The following PCDHGB3 variants were observed in gnomAD, a reference collection of about 807,000 sequenced individuals.
PCDHGB3 encodes the protein protocadherin gamma subfamily B, 3.
A neutral mutation model predicts 59.2 loss-of-function variants in PCDHGB3; 40 were observed. That is an observed-to-expected ratio of 0.68 (90% confidence interval 0.52 to 0.88). The LOEUF (loss-of-function observed/expected upper bound fraction) is 0.88, where lower values mean the gene tolerates loss of function less well. PCDHGB3 is among the 40% of genes least tolerant of loss of function. PCDHGB3 has a pLI of 0.00. For synonymous variants in PCDHGB3, 581 were observed against 503.6 expected (o/e 1.15, Z -2.06); for missense variants, 1,309 against 1,187.9 (o/e 1.10, Z -1.50).
At position 141,500,368 on chromosome 5, in the gene PCDHGB3, C is replaced by T. The variant is rs181410708; in HGVS notation, c.2475-5025C>T. Among the ~76,000 whole-genome samples, 364 of 152,050 alleles carry T rather than the reference C, an allele frequency of 2.4e-3. 3 individuals carry two copies. The highest frequency in any genetic ancestry group is 9.2e-3 in the Admixed American group (140 of 15,274). ...GGACTACAGGCGCCCACTACCACGCCCGGCTAATTATTTTGTATTTTTAGT... is the reference window on the plus strand; with the variant it reads ...GGACTACAGGCGCCCACTACCACGCTCGGCTAATTATTTTGTATTTTTAGT... On this transcript the variant is annotated intron_variant, in intron 2 of 3. Transcript: ENST00000576222.
chr5:141,447,775 AT>A (rs1463090729), intron 1 of PCDHGB3, among the ~76,000 whole-genome samples: 2 of 152,212 alleles, frequency 1.3e-5, no homozygotes, highest in Non-Finnish European at 2.9e-5. Flanking sequence ...TTATACTTTA[AT>A]TGAAAATAAA....
At chr5:141,376,381 T>C (rs1588802356) in intron 1 of PCDHGB3, 13 of 1,613,972 alleles carry the variant, frequency 8.1e-6, no homozygotes, top group Middle Eastern at 1.7e-4. Context: ...CGCGTAAGAG[T>C]CATCTGATTT....
intron 1 of PCDHGB3, chr5:141,404,242 G>T (rs372976589): frequency 1.2e-6 from 2 of 1,613,462 alleles, no homozygotes; most frequent in Non-Finnish European, 1.7e-6. Flanking sequence ...GAGGAACTCC[G>T]CCCCTGTCCA....
In PCDHGB3 at chr5:141,372,908, T is replaced by A. The variant is rs1769157545; in HGVS notation, c.2415+99T>A. The A allele has an allele frequency of 7.4e-6, 8 of 1,075,948 alleles. No individual in the cohort carries two copies. In the East Asian group the frequency reaches 2.1e-4, roughly 28 times the overall value. The allele number at this position is 1,075,948 out of a possible 1,614,324, so 66.7% of individuals were successfully genotyped here. ...ACAGATTAAATATTCCCTGATTACA[T>A]TATTTTATTGATTTTCTGGTGTAGA... On this transcript the variant is annotated intron_variant, in intron 1 of 3. Transcript: ENST00000576222.
intron 1 of PCDHGB3, among the ~76,000 whole-genome samples, chr5:141,429,774 G>A (rs1175985162): frequency 6.6e-6 from 1 of 152,070 alleles, no homozygotes; most frequent in Non-Finnish European, 1.5e-5. Context: ...ATTTTGATGG[G>A]CTTCCAAAAG....
At chr5:141,404,560 C>G in intron 1 of PCDHGB3, 1 of 1,613,578 alleles carries the variant, frequency 6.2e-7, no homozygotes, top group South Asian at 1.1e-5. Context: ...CGGCAAGTGA[C>G]AGTGGAAGCC....
intron 1 of PCDHGB3, chr5:141,427,440 G>C (rs747459662): frequency 4.2e-6 from 2 of 477,366 alleles, no homozygotes; most frequent in African/African-American, 2.0e-5. Flanking sequence ...CCTCATAAAC[G>C]AAAGAGTTCC....
Position 141,510,985 on chromosome 5 carries a change from G to A in PCDHGB3, c.2602G>A (p.Gly868Ser), listed in dbSNP as rs1278517639. Residue 868 changes from glycine to serine, a missense_variant, in exon 4 of 4, where the codon GGC becomes AGC. Transcript: ENST00000576222. ...DGSSTLGGGA[G>S]TMGLSARYGP... ...GAGCTCCACCCTGGGAGGGGGTGCCGGCACCATGGGATTGAGCGCCCGCTA... is the reference window on the plus strand; with the variant it reads ...GAGCTCCACCCTGGGAGGGGGTGCCAGCACCATGGGATTGAGCGCCCGCTA... 19 of 1,614,090 alleles carry A rather than the reference G, an allele frequency of 1.2e-5. No individual in the cohort carries two copies. The highest frequency in any genetic ancestry group is 2.2e-5 in the East Asian group (1 of 44,880).
Position 141,404,841 on chromosome 5 carries a change from G to A in PCDHGB3, c.2415+32032G>A, listed in dbSNP as rs765291212. The stretch of plus-strand genomic sequence containing the variant: ...CACACAGGTGAAGTGCGCACAGCTC[G>A]GGCCCTGCTAGATAGAGATGCGCTC... On this transcript the variant is annotated intron_variant, in intron 1 of 3. Coordinates refer to ENST00000576222, the MANE Select transcript of PCDHGB3 (RefSeq NM_018924.5). 1.1e-5 allele frequency: 17 copies of A among 1,613,886 alleles called. No individual in the cohort carries two copies. Among genetic ancestry groups the A allele is most frequent in the Non-Finnish European group, 1.4e-5 (16 of 1,179,920 alleles).
Position 141,388,695 on chromosome 5 carries a change from G to A in PCDHGB3, c.2415+15886G>A, listed in dbSNP as rs2091456760. On this transcript the variant is annotated intron_variant, in intron 1 of 3. Coordinates refer to ENST00000576222, the MANE Select transcript of PCDHGB3 (RefSeq NM_018924.5). ...ACAGGTGACTGCCACGGACCAGGAT[G>A]AGGGTGTCAATGCCGAGATTACTTT... The A allele has an allele frequency of 3.7e-6, 6 of 1,614,018 alleles. No homozygotes were observed. Among genetic ancestry groups the A allele is most frequent in the Middle Eastern group, 1.6e-4 (1 of 6,062 alleles).
chr5:141,510,837 GTCAAGGCCCAGGGTGC>G, intron 3 of PCDHGB3, 94 bp from the exon 4 acceptor site: 1 of 1,586,392 alleles, frequency 6.3e-7, no homozygotes, highest in Non-Finnish European at 8.6e-7. Flanking sequence ...GCTCAGCGTG[GTCAAGGCCCAGGGTGC>G]TGTATAGGCA....
At chr5:141,500,293 C>T (rs1380080572) in intron 2 of PCDHGB3, among the ~76,000 whole-genome samples, 3 of 151,870 alleles carry the variant, frequency 2.0e-5, no homozygotes, top group Non-Finnish European at 4.4e-5. Flanking sequence ...ACTGCAAGCT[C>T]CGCCTCCCAG....
At chr5:141,414,926 G>T (rs2095802657) in intron 1 of PCDHGB3, 3 of 1,614,114 alleles carry the variant, frequency 1.9e-6, no homozygotes, top group Admixed American at 1.7e-5. Flanking sequence ...CTGGCGCCCC[G>T]CTCCGCAGAG....
Position 141,487,522 on chromosome 5 carries a change from T to G in PCDHGB3, c.2416-7285T>G, listed in dbSNP as rs764726787. Reference sequence around the variant, plus strand: ...TGGCTTCTGCACCCACTCGGAGTGATAGCTTCATGATGGTGAAGTCACCCA... The same window carrying G: ...TGGCTTCTGCACCCACTCGGAGTGAGAGCTTCATGATGGTGAAGTCACCCA... On this transcript the variant is annotated intron_variant, in intron 1 of 3. Transcript: ENST00000576222. This position sits in a 1 kb window ranked among gnomAD's most constrained non-coding sequence, Gnocchi z 5.0. The G allele has an allele frequency of 6.2e-7, 1 of 1,614,166 alleles. No individual in the cohort carries two copies. The highest frequency in any genetic ancestry group is 8.5e-7 in the Non-Finnish European group (1 of 1,180,022).
At chr5:141,460,951 G>GTATATATA (rs200454978) in intron 1 of PCDHGB3, among the ~76,000 whole-genome samples, 42 of 139,772 alleles carry the variant, frequency 3.0e-4, no homozygotes, top group African/African-American at 1.1e-3. Context: ...TATGTATTAT[G>GTATATATA]TATATATATA....
chr5:141,477,506 G>T lies in PCDHGB3; in HGVS notation c.2416-17301G>T, dbSNP rs766083208. 6.2e-7 allele frequency: 1 copy of T among 1,614,028 alleles called. No homozygotes were observed. The highest frequency in any genetic ancestry group is 8.5e-7 in the Non-Finnish European group (1 of 1,180,016). On this transcript the variant is annotated intron_variant, in intron 1 of 3. Coordinates refer to ENST00000576222, the MANE Select transcript of PCDHGB3 (RefSeq NM_018924.5). This position sits in a 1 kb window ranked among gnomAD's most constrained non-coding sequence, Gnocchi z 4.9. ...ACAATCTTCTCAATCTTCCTACGAC[G>T]TTTACATTGAAGAAAACAACCTCCC...
chr5:141,427,287 A>G (rs1030754713), intron 1 of PCDHGB3: 2 of 456,716 alleles, frequency 4.4e-6, no homozygotes, highest in African/African-American at 4.0e-5. Flanking sequence ...TATACTAGAA[A>G]TCCTAGATGA....
At chr5:141,472,109 A>G (rs1353132107) in intron 1 of PCDHGB3, among the ~76,000 whole-genome samples, 2 of 152,234 alleles carry the variant, frequency 1.3e-5, no homozygotes, top group Non-Finnish European at 2.9e-5. Flanking sequence ...TTTTATACAT[A>G]AAGAAAATAA....
Position 141,431,548 on chromosome 5 carries a change from A to G in PCDHGB3, c.2415+58739A>G, listed in dbSNP as rs1357844542. 2 of 1,614,136 alleles carry G rather than the reference A, an allele frequency of 1.2e-6. No individual in the cohort carries two copies. Among genetic ancestry groups the G allele is most frequent in the Admixed American group, 1.7e-5 (1 of 60,030 alleles). On this transcript the variant is annotated intron_variant, in intron 1 of 3. Coordinates refer to ENST00000576222, the MANE Select transcript of PCDHGB3 (RefSeq NM_018924.5). This position sits in a 1 kb window ranked among gnomAD's most constrained non-coding sequence, Gnocchi z 4.8. ...TGGCCTTGGGCACGCAGCTGCTTGT[A>G]GTCAACGCTACCGACCCTGACGAAG... is the stretch of plus-strand genomic sequence containing the variant.
Sources: gnomAD v4.1 joint callset for allele counts (sites outside exome capture counted in the v4.1 genomes callset) on GRCh38, gnomAD v4.1.1 for gene constraint, Gnocchi (gnomAD v3.1) non-coding constraint, MANE v1.5 for transcripts, NCBI Gene and HGNC (gene_info 2026-07-23, HGNC 2026-07-21) for gene names.